Variants in TBC1D1 observed in about 807,000 individuals in gnomAD.
TBC1D1 encodes the protein TBC1 (tre-2/USP6, BUB2, cdc16) domain family, member 1.
In TBC1D1, 89 loss-of-function variants were observed where a neutral mutation model predicts 125.6. The observed-to-expected ratio is 0.71, with a 90% CI of 0.60 to 0.85. The LOEUF (loss-of-function observed/expected upper bound fraction) is 0.85, where lower values mean the gene tolerates loss of function less well. Ranked by LOEUF, TBC1D1 falls within the 40% of genes least tolerant of loss-of-function variation. The probability of loss-of-function intolerance (pLI) is 0.00; values close to 1 mark genes in which losing one functional copy is unlikely to be tolerated. For synonymous variants in TBC1D1, 565 were observed against 564.1 expected (o/e 1.00, Z -0.02); for missense variants, 1,377 against 1,469.2 (o/e 0.94, Z 1.03).
intron 18 of TBC1D1, among the ~76,000 whole-genome samples, chr4:38,127,159 C>G (rs1240296591): frequency 6.6e-6 from 1 of 151,874 alleles, no homozygotes; most frequent in Non-Finnish European, 1.5e-5. Context: ...CATTGTTTAC[C>G]TCCTAAGTAT....
Position 38,137,291 on chromosome 4 carries a change from G to T in TBC1D1, c.3463G>T (p.Asp1155Tyr), listed in dbSNP as rs750345552. The change falls in exon 20 of 20, where the codon GAC becomes TAC. Residue 1155 changes from aspartate (D) to tyrosine (Y), a missense_variant. Physicochemically the swap from Asp to Tyr is radical, Grantham distance 160. Around this residue, in one of 3 missense-constraint regions of TBC1D1, gnomAD observed 543 missense variants for 613.5 expected, o/e 0.89. Coordinates refer to ENST00000261439, the MANE Select transcript of TBC1D1 (RefSeq NM_015173.4). Reference sequence around the variant, plus strand: ...GCGGCGGCGGAGCGCAGAGCCCAGCGACCGGGAGCCTGAGTGCACGCAGCC... The same window carrying T: ...GCGGCGGCGGAGCGCAGAGCCCAGCTACCGGGAGCCTGAGTGCACGCAGCC... 2 of 1,611,392 alleles carry T rather than the reference G, an allele frequency of 1.2e-6. No individual in the cohort carries two copies. The highest frequency in any genetic ancestry group is 1.7e-6 in the Non-Finnish European group (2 of 1,179,880).
At position 38,104,842 on chromosome 4, in the gene TBC1D1, G is replaced by A. The variant is rs191321289; in HGVS notation, c.2557+1685G>A. On this transcript the variant is annotated intron_variant, in intron 15 of 19. Transcript: ENST00000261439. ...GTGATCTCAGCTCACTGCAAGCTCCGTCTCCTGGGTTCACAGCATTCTCCT... is the reference window on the plus strand; with the variant it reads ...GTGATCTCAGCTCACTGCAAGCTCCATCTCCTGGGTTCACAGCATTCTCCT... 4.0e-5 allele frequency among the ~76,000 whole-genome samples: 6 copies of A among 151,250 alleles called. No individual in the cohort carries two copies. The East Asian group carries it at 7.8e-4, about 20-fold the overall frequency.
rs573308245 is a variant in TBC1D1 at position 37,995,479 on chromosome 4, C to T, written c.418-19030C>T. ...CACAAAGTATAGATCATTTGTTTTC[C>T]TTCCAGCCCTGGGCTCAGTACACAG... On this transcript the variant is annotated intron_variant, in intron 2 of 19. Coordinates refer to ENST00000261439, the MANE Select transcript of TBC1D1 (RefSeq NM_015173.4). The surrounding 1 kb of genome is among the most constrained non-coding windows in gnomAD (Gnocchi z 4.3). 82 of 234,708 alleles carry T rather than the reference C, an allele frequency of 3.5e-4. No homozygotes were observed. Among genetic ancestry groups the T allele is most frequent in the Non-Finnish European group, 3.5e-5 (4 of 114,392 alleles). The allele number at this position is 234,708 out of a possible 1,614,324, so 14.5% of individuals were successfully genotyped here.
intron 2 of TBC1D1, among the ~76,000 whole-genome samples, chr4:37,949,488 A>G (rs563713890): frequency 1.3e-5 from 2 of 152,314 alleles, no homozygotes; most frequent in South Asian, 4.1e-4. Flanking sequence ...CCTGCCTCCA[A>G]GTTCACCCAC....
At chr4:38,018,248 T>TTATC in intron 3 of TBC1D1, 106 bp from the exon 4 acceptor site, 1 of 843,668 alleles carries the variant, frequency 1.2e-6, no homozygotes, top group South Asian at 1.6e-5. Flanking sequence ...ATTTCTACGA[T>TTATC]GATAGAGTCA....
intron 2 of TBC1D1, among the ~76,000 whole-genome samples, chr4:37,940,558 A>C (rs1025869520): frequency 6.6e-6 from 1 of 152,168 alleles, no homozygotes. Context: ...TTCCAACACT[A>C]TGTTGAACAA....
chr4:38,049,106 G>A (rs1274907773), intron 10 of TBC1D1, among the ~76,000 whole-genome samples: 1 of 152,182 alleles, frequency 6.6e-6, no homozygotes, highest in African/African-American at 2.4e-5. Context: ...TGCCTACAGA[G>A]TGATTTTCCA....
At chr4:38,103,228 C>A in intron 15 of TBC1D1, 71 bp downstream of exon 17, 1 of 1,501,670 alleles carries the variant, frequency 6.7e-7, no homozygotes, top group Non-Finnish European at 9.0e-7. Flanking sequence ...AGAGACTGTC[C>A]AAGTTATGTA....
At chr4:38,127,129 C>T (rs1264990190) in intron 18 of TBC1D1, among the ~76,000 whole-genome samples, 1 of 151,642 alleles carries the variant, frequency 6.6e-6, no homozygotes, top group Admixed American at 6.6e-5. Context: ...TGCTCCTGTC[C>T]CTCAGGCCAT....
intron 2 of TBC1D1, among the ~76,000 whole-genome samples, chr4:37,919,697 G>A (rs1325943686): frequency 6.6e-6 from 1 of 152,158 alleles, no homozygotes; most frequent in Admixed American, 6.5e-5. Context: ...CACTATCAAT[G>A]CTAAGTGATC....
intron 12 of TBC1D1, among the ~76,000 whole-genome samples, chr4:38,062,994 T>C (rs1753046271): frequency 6.6e-6 from 1 of 152,188 alleles, no homozygotes; most frequent in African/African-American, 2.4e-5. Flanking sequence ...CTACAGCACC[T>C]GACAGCAGAT....
chr4:37,952,254 A>G (rs932521114), intron 2 of TBC1D1: 1 of 564,318 alleles, frequency 1.8e-6, no homozygotes, highest in Non-Finnish European at 3.2e-6. Flanking sequence ...ATCACAGGCT[A>G]GATTTTAGAT....
intron 17 of TBC1D1, among the ~76,000 whole-genome samples, chr4:38,123,914 C>T (rs1254457029): frequency 2.0e-5 from 3 of 152,192 alleles, no homozygotes; most frequent in African/African-American, 7.2e-5. Context: ...TTTTCTGTTT[C>T]TTCGTGGCTT....
intron 13 of TBC1D1, among the ~76,000 whole-genome samples, chr4:38,090,398 G>A (rs1317931857): frequency 6.6e-6 from 1 of 152,046 alleles, no homozygotes. Context: ...GCTCTAACAC[G>A]CTGAAAGGTG....
intron 1 of TBC1D1, among the ~76,000 whole-genome samples, chr4:37,894,196 C>A (rs773540522): frequency 2.6e-5 from 4 of 152,036 alleles, no homozygotes; most frequent in Non-Finnish European, 5.9e-5. Context: ...ACCATCTTGG[C>A]CAGGCTGGTC....
chr4:38,128,799 A>G (rs1460544306), intron 18 of TBC1D1, among the ~76,000 whole-genome samples: 2 of 152,232 alleles, frequency 1.3e-5, no homozygotes, highest in East Asian at 3.8e-4. Context: ...CTGTCCATTG[A>G]ATAAACCATC....
intron 18 of TBC1D1, among the ~76,000 whole-genome samples, chr4:38,132,185 G>GT (rs1161564097): frequency 0.052 from 7,489 of 144,128 alleles, 208 homozygotes; most frequent in Admixed American, 0.088. Flanking sequence ...ATCTAGCAGG[G>GT]TTTTTTTTTT....
intron 12 of TBC1D1, among the ~76,000 whole-genome samples, chr4:38,069,364 G>A (rs745434831): frequency 1.3e-5 from 2 of 152,174 alleles, no homozygotes; most frequent in South Asian, 2.1e-4. Flanking sequence ...ACCTGTAGGC[G>A]GTGCTCTGGG....
chr4:37,970,987 T>C (rs999590721), intron 2 of TBC1D1, among the ~76,000 whole-genome samples: 1 of 152,152 alleles, frequency 6.6e-6, no homozygotes, highest in African/African-American at 2.4e-5. Flanking sequence ...CTCCTAAACT[T>C]ACAGGAGGTT....
Sources: allele counts gnomAD v4.1 joint callset (sites outside exome capture counted in the v4.1 genomes callset), GRCh38; gene constraint gnomAD v4.1.1; regional missense constraint gnomAD v4.1.1; non-coding constraint Gnocchi (gnomAD v3.1); transcripts MANE v1.5; gene names NCBI Gene and HGNC (gene_info 2026-07-23, HGNC 2026-07-21).